The following ANKRD28 variants were observed in gnomAD, a reference collection of about 807,000 sequenced individuals.
ANKRD28 encodes ankyrin repeat domain 28.
In ANKRD28, 44 loss-of-function variants were observed where a neutral mutation model predicts 126.5. That is an observed-to-expected ratio of 0.35 (90% CI 0.27 to 0.45). ANKRD28 has a LOEUF of 0.45. Among genes scored for constraint, ANKRD28 ranks in the 20% least tolerant of loss-of-function variants. The pLI, the probability that ANKRD28 is intolerant of heterozygous loss-of-function variation, is 1.00. For missense variants in ANKRD28, 1,110 were observed against 1,316.6 expected (o/e 0.84, Z 2.43); for synonymous variants, 442 against 468.5 (o/e 0.94, Z 0.73).
At chr3:15,728,261 AAT>A (rs2074332554) in intron 6 of ANKRD28, among the ~76,000 whole-genome samples, 1 of 151,938 alleles carries the variant, frequency 6.6e-6, no homozygotes, top group Admixed American at 6.6e-5. Context: ...TTGCACACTT[AAT>A]AGACTATAGT....
chr3:15,714,713 A>G, intron 8 of ANKRD28, 57 bp from the exon 9 acceptor site: 1 of 1,249,166 alleles, frequency 8.0e-7, no homozygotes, highest in Non-Finnish European at 1.1e-6. Context: ...TGTAAACCTT[A>G]GTTTTACTTT....
intron 3 of ANKRD28, among the ~76,000 whole-genome samples, chr3:15,756,703 G>A (rs1387404769): frequency 6.6e-6 from 1 of 152,146 alleles, no homozygotes; most frequent in East Asian, 1.9e-4. Flanking sequence ...TGTGTGTGGT[G>A]AGGTGAGGGG....
intron 4 of ANKRD28, among the ~76,000 whole-genome samples, chr3:15,749,836 C>T (rs1448007884): frequency 1.3e-5 from 2 of 152,166 alleles, no homozygotes; most frequent in African/African-American, 2.4e-5. Flanking sequence ...GTAAAGAGTC[C>T]TGTGATGTGA....
chr3:15,772,381 G>A (rs145114956), intron 2 of ANKRD28, among the ~76,000 whole-genome samples: 180 of 152,054 alleles, frequency 1.2e-3, no homozygotes, highest in African/African-American at 4.2e-3. Context: ...AAAAGATGAA[G>A]CCAACATTAT....
intron 1 of ANKRD28, among the ~76,000 whole-genome samples, chr3:15,811,139 GA>G (rs1220905689): frequency 6.6e-6 from 1 of 152,198 alleles, no homozygotes; most frequent in Non-Finnish European, 1.5e-5. Context: ...CCAGACTGGA[GA>G]AACAAGGCCT....
chr3:15,850,405 T>G (rs1264515607), intron 1 of ANKRD28, among the ~76,000 whole-genome samples: 3 of 151,910 alleles, frequency 2.0e-5, no homozygotes, highest in Admixed American at 6.6e-5. Flanking sequence ...ATTTGGTAGC[T>G]TAAAAAACAG....
chr3:15,680,677 A>G (rs1000092548), intron 21 of ANKRD28, among the ~76,000 whole-genome samples: 1 of 151,938 alleles, frequency 6.6e-6, no homozygotes, highest in Non-Finnish European at 1.5e-5. Context: ...TATTAAAACA[A>G]TTTTTTGAGA....
chr3:15,702,169 TG>T (rs2070722934), intron 14 of ANKRD28, among the ~76,000 whole-genome samples: 1 of 152,254 alleles, frequency 6.6e-6, no homozygotes, highest in Admixed American at 6.5e-5. Flanking sequence ...CAAATCCTTT[TG>T]GCTAGAATAT....
chr3:15,729,441 G>A (rs1196821086), intron 6 of ANKRD28, among the ~76,000 whole-genome samples: 3 of 152,146 alleles, frequency 2.0e-5, no homozygotes, highest in African/African-American at 4.8e-5. Flanking sequence ...TAAGCCTTGT[G>A]ATGTTTCGTA....
chr3:15,759,386 A>G (rs1296357240), intron 3 of ANKRD28, among the ~76,000 whole-genome samples: 1 of 152,200 alleles, frequency 6.6e-6, no homozygotes, highest in African/African-American at 2.4e-5. Context: ...TTTAAAATGT[A>G]ATAAGCTCAC....
intron 2 of ANKRD28, among the ~76,000 whole-genome samples, chr3:15,786,043 T>C (rs148200949): frequency 1.3e-5 from 2 of 151,932 alleles, no homozygotes; most frequent in East Asian, 1.9e-4. Flanking sequence ...GAAGAACGAA[T>C]AGAGGGTGCA....
At chr3:15,733,431 T>C (rs1055984596) in intron 6 of ANKRD28, 1 of 152,274 alleles carries the variant, frequency 6.6e-6, no homozygotes, top group South Asian at 2.1e-4. Flanking sequence ...TATTCCCAAC[T>C]TCATCATTTA....
intron 3 of ANKRD28, among the ~76,000 whole-genome samples, chr3:15,753,888 G>A (rs762385813): frequency 1.8e-4 from 28 of 152,250 alleles, no homozygotes; most frequent in Non-Finnish European, 3.7e-4. Flanking sequence ...AGGTTGCAGT[G>A]AGCCGAGATT....
At chr3:15,857,510 CCTAA>C (rs1381746022) in intron 1 of ANKRD28, among the ~76,000 whole-genome samples, 2 of 152,196 alleles carry the variant, frequency 1.3e-5, no homozygotes, top group African/African-American at 2.4e-5. Flanking sequence ...GTCTTGAACT[CCTAA>C]CCTCAAGTGA....
intron 2 of ANKRD28, chr3:15,781,444 A>G (rs992683593): frequency 2.0e-5 from 3 of 152,128 alleles, no homozygotes; most frequent in Non-Finnish European, 4.4e-5. Context: ...TGATGGATAT[A>G]TTAGCTTGAT....
intron 14 of ANKRD28, among the ~76,000 whole-genome samples, chr3:15,700,458 C>CAAA (rs71045180): frequency 1.4e-4 from 20 of 146,788 alleles, no homozygotes; most frequent in African/African-American, 5.1e-4. Flanking sequence ...AGTATAATGA[C>CAAA]AAAAAAAAAA....
At chr3:15,803,081 G>C (rs1288223130) in intron 1 of ANKRD28, among the ~76,000 whole-genome samples, 1 of 152,236 alleles carries the variant, frequency 6.6e-6, no homozygotes, top group Non-Finnish European at 1.5e-5. Flanking sequence ...TCATGTGATA[G>C]AGAGGCCTTG....
intron 2 of ANKRD28, among the ~76,000 whole-genome samples, chr3:15,769,041 TACTC>T (rs1205760513): frequency 6.6e-6 from 1 of 152,346 alleles, no homozygotes; most frequent in African/African-American, 2.4e-5. Context: ...TTTTCAGTGT[TACTC>T]ATTAACACAG....
chr3:15,687,817 T>G (rs74931146), intron 18 of ANKRD28, among the ~76,000 whole-genome samples: 4,303 of 152,280 alleles, frequency 0.028, 214 homozygotes, highest in African/African-American at 0.096. Context: ...CCCATCATTT[T>G]TCAAATCAGT....
Sources: gnomAD v4.1 joint callset for allele counts (sites outside exome capture counted in the v4.1 genomes callset) on GRCh38, gnomAD v4.1.1 for gene constraint, MANE v1.5 for transcripts, NCBI Gene and HGNC (gene_info 2026-07-23, HGNC 2026-07-21) for gene names.